The following TRIM44 variants were observed in gnomAD, a reference collection of about 807,000 sequenced individuals.
The protein encoded by TRIM44 is tripartite motif-containing protein 44.
Under a neutral mutation model 37.4 loss-of-function variants are expected in TRIM44, and 13 were observed. The ratio of observed to expected loss-of-function variants is 0.35; its 90% CI spans 0.23 to 0.55. The LOEUF is 0.55. Among genes scored for constraint, TRIM44 ranks in the 20% least tolerant of loss-of-function variants. The pLI, the probability that TRIM44 is intolerant of heterozygous loss-of-function variation, is 0.89. For synonymous variants in TRIM44, 175 were observed against 157.2 expected, an observed-to-expected ratio of 1.11 and a Z score of -0.85; for missense variants, 426 against 437.2, an observed-to-expected ratio of 0.97 and a Z score of 0.23.
At chr11:35,698,977 G>T (rs1418834158) in intron 2 of TRIM44, among the ~76,000 whole-genome samples, 6 of 143,794 alleles carry the variant, frequency 4.2e-5, no homozygotes, top group Non-Finnish European at 9.2e-5. Flanking sequence ...TGTAAGGAAG[G>T]GATCCAGTTT....
chr11:35,704,412 G>A (rs189317469), intron 2 of TRIM44, among the ~76,000 whole-genome samples: 1,944 of 152,136 alleles, frequency 0.013, 45 homozygotes, highest in African/African-American at 0.044. Flanking sequence ...TACAGGGAAC[G>A]CCACAAAGAT....
chr11:35,734,666 C>T (rs944029378), intron 3 of TRIM44, among the ~76,000 whole-genome samples: 2 of 152,154 alleles, frequency 1.3e-5, no homozygotes, highest in African/African-American at 2.4e-5. Context: ...AATTTGATCA[C>T]AGAAGGAAGC....
chr11:35,680,791 A>G (rs1197345792), intron 1 of TRIM44, among the ~76,000 whole-genome samples: 1 of 152,242 alleles, frequency 6.6e-6, no homozygotes, highest in African/African-American at 2.4e-5. Flanking sequence ...ACTTGCTGTT[A>G]TGAGATTAAA....
chr11:35,681,018 C>G lies in TRIM44; in HGVS notation c.670-4241C>G, dbSNP rs924329441. Among the ~76,000 whole-genome samples, 23 of 151,818 alleles carry G rather than the reference C, an allele frequency of 1.5e-4. 1 individual carries two copies. Among genetic ancestry groups the G allele is most frequent in the Non-Finnish European group, 2.9e-4 (20 of 67,974 alleles). On this transcript the variant is annotated intron_variant, in intron 1 of 4. Coordinates refer to ENST00000299413, the MANE Select transcript of TRIM44 (RefSeq NM_017583.6). Reference sequence around the variant, plus strand: ...ATGTGTTTTTTCTGTATTCTTGATACCATGTATATGTTATAAATCTTTTTC... The same window carrying G: ...ATGTGTTTTTTCTGTATTCTTGATAGCATGTATATGTTATAAATCTTTTTC...
intron 4 of TRIM44, among the ~76,000 whole-genome samples, chr11:35,774,295 T>C (rs1852919747): frequency 6.6e-6 from 1 of 152,238 alleles, no homozygotes; most frequent in African/African-American, 2.4e-5. Context: ...TGTCATATCC[T>C]TCACCCACTT....
chr11:35,791,531 G>A (rs1283192962), intron 4 of TRIM44, among the ~76,000 whole-genome samples: 1 of 152,016 alleles, frequency 6.6e-6, no homozygotes, highest in Non-Finnish European at 1.5e-5. Flanking sequence ...ATAAAGATAA[G>A]CATTAGGAGC....
intron 1 of TRIM44, among the ~76,000 whole-genome samples, chr11:35,678,088 T>C (rs961248776): frequency 6.6e-6 from 1 of 151,988 alleles, no homozygotes; most frequent in Non-Finnish European, 1.5e-5. Context: ...AGTGGTGGGG[T>C]AGGGGTTGAC....
intron 4 of TRIM44, among the ~76,000 whole-genome samples, chr11:35,759,111 A>G (rs1419363491): frequency 6.6e-6 from 1 of 152,118 alleles, no homozygotes; most frequent in East Asian, 1.9e-4. Flanking sequence ...ACTTGGTTCC[A>G]TTCTCCCCGT....
At chr11:35,789,712 C>G (rs144415939) in intron 4 of TRIM44, among the ~76,000 whole-genome samples, 1 of 152,134 alleles carries the variant, frequency 6.6e-6, no homozygotes, top group African/African-American at 2.4e-5. Flanking sequence ...AGAGGGCGAC[C>G]GGGCCTTACT....
In TRIM44 at chr11:35,806,492, C is replaced by A; in HGVS notation, c.*107C>A. 1 of 1,242,098 alleles carries A rather than the reference C, an allele frequency of 8.1e-7. No individual in the cohort carries two copies. The highest frequency in any genetic ancestry group is 1.2e-6 in the Non-Finnish European group (1 of 845,650). 76.9% of individuals were successfully genotyped at this position (1,242,098 alleles called of 1,614,324 possible). ...TGAAAGCTGCTCAGCAACAAACGTACTTCCACCAGATGTGTCCCCAGATCC... is the reference window on the plus strand; with the variant it reads ...TGAAAGCTGCTCAGCAACAAACGTAATTCCACCAGATGTGTCCCCAGATCC... On this transcript the variant is annotated 3_prime_UTR_variant, in exon 5 of 5. Transcript: ENST00000299413.
At position 35,816,720 on chromosome 11, in the gene TRIM44, G is replaced by A. The variant is rs1853584893; in HGVS notation, c.*10335G>A. 2 of 152,162 alleles carry A rather than the reference G, an allele frequency of 1.3e-5. No homozygotes were observed. The highest frequency in any genetic ancestry group is 4.8e-5 in the African/African-American group (2 of 41,438). 9.4% of individuals were successfully genotyped at this position (152,162 alleles called of 1,614,324 possible). A position where few individuals can be genotyped will look rare whatever the true frequency, so the allele number is the denominator to read the frequency against. On this transcript the variant is annotated 3_prime_UTR_variant, in exon 5 of 5. Transcript: ENST00000299413. ...CTAGGTTTTAGAAGCATACAGACTT[G>A]GTTTTAGTACTGGCTTTGTTCTTTA... is the stretch of plus-strand genomic sequence containing the variant.
chr11:35,781,258 G>A (rs1853062533), intron 4 of TRIM44, among the ~76,000 whole-genome samples: 1 of 152,064 alleles, frequency 6.6e-6, no homozygotes, highest in Non-Finnish European at 1.5e-5. Context: ...TTTTTTTAAT[G>A]TAATGTGCAT....
intron 1 of TRIM44, among the ~76,000 whole-genome samples, chr11:35,665,155 G>A (rs938005638): frequency 1.3e-5 from 2 of 151,586 alleles, no homozygotes; most frequent in African/African-American, 2.4e-5. Flanking sequence ...TCCCAGGTTT[G>A]GGAGCGTCGG....
At chr11:35,681,696 T>A (rs1289467892) in intron 1 of TRIM44, among the ~76,000 whole-genome samples, 1 of 152,192 alleles carries the variant, frequency 6.6e-6, no homozygotes, top group Non-Finnish European at 1.5e-5. Context: ...CTTACTATCC[T>A]GGTTCACTTC....
chr11:35,753,282 G>A (rs910209125), intron 4 of TRIM44, among the ~76,000 whole-genome samples: 2 of 152,168 alleles, frequency 1.3e-5, no homozygotes, highest in African/African-American at 4.8e-5. Context: ...GAGAAAGCCT[G>A]TATTTGGGCC....
chr11:35,719,968 G>A (rs1163884664), intron 2 of TRIM44, among the ~76,000 whole-genome samples: 1 of 152,154 alleles, frequency 6.6e-6, no homozygotes, highest in South Asian at 2.1e-4. Context: ...CTTGAATTGA[G>A]TAGTGGCAGT....
intron 4 of TRIM44, among the ~76,000 whole-genome samples, chr11:35,795,989 G>T (rs1365549422): frequency 6.6e-6 from 1 of 152,120 alleles, no homozygotes; most frequent in Non-Finnish European, 1.5e-5. Context: ...GTACTACATT[G>T]TCCACTATTT....
At chr11:35,682,238 C>T (rs191704727) in intron 1 of TRIM44, among the ~76,000 whole-genome samples, 3 of 152,230 alleles carry the variant, frequency 2.0e-5, no homozygotes, top group East Asian at 1.9e-4. Flanking sequence ...TCCTTGAGTC[C>T]GTCTGCCTGA....
intron 4 of TRIM44, among the ~76,000 whole-genome samples, chr11:35,749,207 C>T (rs1207872518): frequency 2.7e-4 from 41 of 152,158 alleles, no homozygotes; most frequent in Admixed American, 2.7e-3. Flanking sequence ...TTCAAAGTCC[C>T]AGCCTTCAAA....
Sources: allele counts gnomAD v4.1 joint callset (sites outside exome capture counted in the v4.1 genomes callset), GRCh38; gene constraint gnomAD v4.1.1; transcripts MANE v1.5; gene names NCBI Gene and HGNC (gene_info 2026-07-23, HGNC 2026-07-21).